VTI1A: variants seen among roughly 807,000 people sequenced by gnomAD.
The protein encoded by VTI1A is vesicle transport through interaction with t-SNAREs homolog 1A.
VTI1A carries 22 observed loss-of-function variants against 34.9 expected under a neutral mutation model. The ratio of observed to expected loss-of-function variants is 0.63; its 90% CI spans 0.45 to 0.90. The LOEUF (loss-of-function observed/expected upper bound fraction) is 0.90, where lower values mean the gene tolerates loss of function less well. VTI1A is among the 40% of genes least tolerant of loss of function. The probability of loss-of-function intolerance (pLI) is 0.00; values close to 1 mark genes in which losing one functional copy is unlikely to be tolerated. For missense variants in VTI1A, 268 were observed against 275.6 expected (o/e 0.97, Z 0.20); for synonymous variants, 87 against 97.3 (o/e 0.89, Z 0.62).
At chr10:112,751,687 T>A (rs554808796) in intron 7 of VTI1A, among the ~76,000 whole-genome samples, 1 of 152,166 alleles carries the variant, frequency 6.6e-6, no homozygotes, top group African/African-American at 2.4e-5. Context: ...TCCACTGAAA[T>A]AAGGAAATAG....
intron 5 of VTI1A, among the ~76,000 whole-genome samples, chr10:112,591,518 T>TCTCACACACA (rs150714469): frequency 6.6e-6 from 1 of 150,710 alleles, no homozygotes; most frequent in African/African-American, 2.4e-5. Context: ...AGACTCCGTC[T>TCTCACACACA]CACACACACA....
At chr10:112,777,418 T>C (rs745970621) in intron 7 of VTI1A, among the ~76,000 whole-genome samples, 23 of 152,146 alleles carry the variant, frequency 1.5e-4, no homozygotes, top group Non-Finnish European at 2.8e-4. Context: ...GTGCCATCTC[T>C]TCAGGTGGGA....
chr10:112,572,548 G>A (rs1852166372), intron 5 of VTI1A, among the ~76,000 whole-genome samples: 1 of 152,118 alleles, frequency 6.6e-6, no homozygotes, highest in African/African-American at 2.4e-5. Context: ...TAAAAAAATT[G>A]AAATGTTCGG....
chr10:112,606,709 A>G (rs1430995009), intron 5 of VTI1A, among the ~76,000 whole-genome samples: 1 of 152,186 alleles, frequency 6.6e-6, no homozygotes, highest in Non-Finnish European at 1.5e-5. Context: ...AGACACTTAC[A>G]TTTGTTTTAT....
At chr10:112,553,754 A>G (rs1026929079) in intron 5 of VTI1A, among the ~76,000 whole-genome samples, 3 of 152,252 alleles carry the variant, frequency 2.0e-5, no homozygotes, top group African/African-American at 7.2e-5. Flanking sequence ...TCCACTGTCA[A>G]GAACAGTTGA....
intron 3 of VTI1A, among the ~76,000 whole-genome samples, chr10:112,482,595 T>C (rs200321161): frequency 1.3e-5 from 2 of 152,314 alleles, no homozygotes; most frequent in East Asian, 3.9e-4. Context: ...AGACCAAATT[T>C]ATTTAAAATA....
intron 5 of VTI1A, among the ~76,000 whole-genome samples, chr10:112,543,325 C>A (rs1364797964): frequency 6.6e-6 from 1 of 152,126 alleles, no homozygotes; most frequent in Non-Finnish European, 1.5e-5. Flanking sequence ...TTCTCCACAT[C>A]CTCTCCAGCA....
intron 5 of VTI1A, among the ~76,000 whole-genome samples, chr10:112,639,814 C>G (rs4918763): frequency 0.63 from 95,324 of 152,152 alleles, 30,274 homozygotes; most frequent in Non-Finnish European, 0.67. Flanking sequence ...CATTGACTCT[C>G]AGCTGCTGGT....
intron 5 of VTI1A, among the ~76,000 whole-genome samples, chr10:112,590,779 T>C (rs1397775760): frequency 6.6e-6 from 1 of 152,084 alleles, no homozygotes. Flanking sequence ...AGATAATAAT[T>C]AATGTATAGT....
At chr10:112,852,433 C>T in the VTI1A span, among the ~76,000 whole-genome samples, 1 of 152,210 alleles carries the variant, frequency 6.6e-6, no homozygotes, top group African/African-American at 2.4e-5. Flanking sequence ...CAATTCTCTG[C>T]CTTCTTTGGA....
At chr10:112,683,841 G>C (rs1354386950) in intron 7 of VTI1A, among the ~76,000 whole-genome samples, 1 of 152,136 alleles carries the variant, frequency 6.6e-6, no homozygotes, top group Non-Finnish European at 1.5e-5. Context: ...TCAGGAGTTC[G>C]AGACCAGCCT....
chr10:112,622,411 T>A (rs951610966), intron 5 of VTI1A, among the ~76,000 whole-genome samples: 1 of 151,214 alleles, frequency 6.6e-6, no homozygotes, highest in Non-Finnish European at 1.5e-5. Flanking sequence ...CCAAGAGTGC[T>A]ATTTTTATGT....
rs758630543 is a variant in VTI1A at position 112,538,266 on chromosome 10, C to T, written c.363C>T (p.Asn121=). Reference sequence around the variant, plus strand: ...TTCAGAGGGCACATCTGCTCGATAACACAGAGAGGCTGGAAAGGTCATCTC... The same window carrying T: ...TTCAGAGGGCACATCTGCTCGATAATACAGAGAGGCTGGAAAGGTCATCTC... ...SENQRAHLLD[N]TERLERSSRR... The change falls in exon 5 of 8, where the codon AAC becomes AAT. Residue 121 remains asparagine, a synonymous_variant. Transcript: ENST00000393077. The T allele has an allele frequency of 1.1e-5, 18 of 1,612,628 alleles. No individual in the cohort carries two copies. The highest frequency in any genetic ancestry group is 1.5e-5 in the Non-Finnish European group (18 of 1,179,548).
chr10:112,694,852 C>CT (rs1848727069), intron 7 of VTI1A, among the ~76,000 whole-genome samples: 1 of 151,984 alleles, frequency 6.6e-6, no homozygotes, highest in Non-Finnish European at 1.5e-5. Context: ...ATCTGTAATC[C>CT]CAGCTACTCA....
chr10:112,555,729 GTTC>G (rs766233711), intron 5 of VTI1A, among the ~76,000 whole-genome samples: 1 of 151,898 alleles, frequency 6.6e-6, no homozygotes, highest in African/African-American at 2.4e-5. Flanking sequence ...TATACATTTT[GTTC>G]TTCATTATTA....
chr10:112,680,272 C>T (rs1207087658), intron 7 of VTI1A, among the ~76,000 whole-genome samples: 2 of 152,078 alleles, frequency 1.3e-5, no homozygotes, highest in African/African-American at 2.4e-5. Context: ...TATATGGGAC[C>T]TTATGGTTTG....
chr10:112,484,319 T>A (rs1009983349), intron 3 of VTI1A, among the ~76,000 whole-genome samples: 1 of 152,266 alleles, frequency 6.6e-6, no homozygotes, highest in Non-Finnish European at 1.5e-5. Context: ...CTTGGCATTT[T>A]AAGGCTTGTG....
intron 7 of VTI1A, among the ~76,000 whole-genome samples, chr10:112,752,939 C>T (rs1174291524): frequency 2.0e-5 from 3 of 151,990 alleles, no homozygotes; most frequent in Non-Finnish European, 4.4e-5. Context: ...AATTTGTGGA[C>T]TCCGAAGCTA....
At chr10:112,734,043 T>G (rs1445379112) in intron 7 of VTI1A, among the ~76,000 whole-genome samples, 2 of 152,068 alleles carry the variant, frequency 1.3e-5, no homozygotes, top group African/African-American at 4.8e-5. Flanking sequence ...TGAGCCACCG[T>G]GCCTGGCCTT....
Sources: gnomAD v4.1 joint callset for allele counts (sites outside exome capture counted in the v4.1 genomes callset) on GRCh38, gnomAD v4.1.1 for gene constraint, MANE v1.5 for transcripts, NCBI Gene and HGNC (gene_info 2026-07-23, HGNC 2026-07-21) for gene names.